Variants in HHLA2 observed in about 807,000 individuals in gnomAD.
HHLA2 encodes the protein HERV-H LTR-associating protein 2.
In HHLA2, 48 loss-of-function variants were observed where a neutral mutation model predicts 45.9. The observed-to-expected ratio is 1.05, with a 90% CI of 0.83 to 1.33. The LOEUF is 1.33. Among genes scored for constraint, HHLA2 ranks in the 40% most tolerant of loss-of-function variants. The probability of loss-of-function intolerance (pLI) is 0.00; values close to 1 mark genes in which losing one functional copy is unlikely to be tolerated. For missense variants in HHLA2, 462 were observed against 494.3 expected (o/e 0.93, Z 0.62); for synonymous variants, 161 against 173.9 (o/e 0.93, Z 0.59).
intron 8 of HHLA2, among the ~76,000 whole-genome samples, chr3:108,368,709 C>T (rs528486065): frequency 3.3e-5 from 5 of 152,152 alleles, no homozygotes; most frequent in Non-Finnish European, 7.4e-5. Flanking sequence ...GCACCCAATA[C>T]AGGAGCATCC....
intron 6 of HHLA2, among the ~76,000 whole-genome samples, chr3:108,356,386 G>T (rs1261907408): frequency 2.6e-5 from 4 of 151,990 alleles, no homozygotes; most frequent in African/African-American, 9.7e-5. Flanking sequence ...CCCTTATAGG[G>T]GGAAAATGGA....
chr3:108,352,145 A>ATT (rs10718672), intron 4 of HHLA2, among the ~76,000 whole-genome samples: 2,751 of 150,514 alleles, frequency 0.018, 86 homozygotes, highest in African/African-American at 0.063. Flanking sequence ...TGATTGATTG[A>ATT]TTTTTTTTTT....
At chr3:108,321,482 G>A (rs2081201366) in intron 2 of HHLA2, among the ~76,000 whole-genome samples, 1 of 152,096 alleles carries the variant, frequency 6.6e-6, no homozygotes, top group African/African-American at 2.4e-5. Flanking sequence ...TCTGGATGTG[G>A]TTGCGTTTTC....
intron 3 of HHLA2, among the ~76,000 whole-genome samples, chr3:108,340,517 G>C (rs1367354913): frequency 6.6e-6 from 1 of 152,200 alleles, no homozygotes; most frequent in Non-Finnish European, 1.5e-5. Context: ...AACAAAGGTT[G>C]ACCTACCTGG....
rs138542042 is a variant in HHLA2, at chr3:108,327,635, G to A, written c.-104-635G>A. On this transcript the variant is annotated intron_variant, in intron 2 of 10. Coordinates refer to ENST00000619531, the Ensembl canonical transcript of HHLA2. ...TTATTTCCCAGTTCTTGTAGTTTCT[G>A]TTTGGTTCTTTATCATGGTTTTCAG... 8.4e-3 allele frequency among the ~76,000 whole-genome samples: 1,278 copies of A among 152,196 alleles called. 15 individuals are homozygous for A. Among genetic ancestry groups the A allele is most frequent in the African/African-American group, 0.029 (1,201 of 41,534 alleles).
intron 2 of HHLA2, among the ~76,000 whole-genome samples, chr3:108,319,219 T>A (rs2081155775): frequency 6.6e-6 from 1 of 152,094 alleles, no homozygotes; most frequent in Non-Finnish European, 1.5e-5. Flanking sequence ...ATACTTTTTT[T>A]TTTTTCTCAC....
At chr3:108,311,226 C>G (rs1376462510) in intron 2 of HHLA2, among the ~76,000 whole-genome samples, 4 of 152,160 alleles carry the variant, frequency 2.6e-5, no homozygotes, top group Non-Finnish European at 4.4e-5. Context: ...TTGGGATGGC[C>G]TTGGTCTAAA....
chr3:108,354,826 A>T (rs2081854356), intron 5 of HHLA2, among the ~76,000 whole-genome samples: 1 of 152,180 alleles, frequency 6.6e-6, no homozygotes, highest in African/African-American at 2.4e-5. Flanking sequence ...TTGGTTTTTC[A>T]ATGAGGCCAT....
chr3:108,316,106 AAAAGATG>A (rs1325298607), intron 2 of HHLA2, among the ~76,000 whole-genome samples: 3 of 152,170 alleles, frequency 2.0e-5, no homozygotes, highest in East Asian at 1.9e-4. Flanking sequence ...AAATGAAAAA[AAAAGATG>A]AAAGAGGAAA....
chr3:108,304,173 A>C (rs986990035), intron 1 of HHLA2, among the ~76,000 whole-genome samples: 10 of 152,120 alleles, frequency 6.6e-5, no homozygotes, highest in African/African-American at 2.2e-4. Flanking sequence ...TTATGTTCCC[A>C]TTTGTTTCCT....
At chr3:108,354,863 A>G (rs1417472788) in intron 5 of HHLA2, among the ~76,000 whole-genome samples, 3 of 152,080 alleles carry the variant, frequency 2.0e-5, no homozygotes, top group African/African-American at 4.8e-5. Flanking sequence ...CTATGTTTCT[A>G]GAAAATTGAG....
chr3:108,377,542 A>C (rs2082295428), exon 11 of HHLA2: 2 of 432,332 alleles, frequency 4.6e-6, no homozygotes, highest in East Asian at 3.5e-5. Context: ...GAACTGTCTC[A>C]TTCATTTACA....
intron 1 of HHLA2, among the ~76,000 whole-genome samples, chr3:108,299,555 A>G (rs1294026675): frequency 6.6e-6 from 1 of 151,950 alleles, no homozygotes; most frequent in Non-Finnish European, 1.5e-5. Context: ...GTGGAACAGA[A>G]AGTTCTGGGT....
At chr3:108,319,154 C>G (rs2081154361) in intron 2 of HHLA2, among the ~76,000 whole-genome samples, 1 of 151,960 alleles carries the variant, frequency 6.6e-6, no homozygotes, top group Admixed American at 6.6e-5. Flanking sequence ...AATATGAGGG[C>G]CTGGGTGGGA....
intron 8 of HHLA2, among the ~76,000 whole-genome samples, chr3:108,370,208 G>A (rs1198669526): frequency 6.6e-6 from 1 of 152,066 alleles, no homozygotes; most frequent in Non-Finnish European, 1.5e-5. Context: ...CAGTGTCTGG[G>A]TGGACCTGTT....
rs113773757 is a variant in HHLA2, at chr3:108,336,996, T to G, written c.-27+8649T>G. ...TTTACACACAGTGTGCTGGTGGTGG[T>G]AAATTATGCCTTTTGGACCAGAGGT... On this transcript the variant is annotated intron_variant, in intron 3 of 10. Coordinates refer to ENST00000619531, the Ensembl canonical transcript of HHLA2. Among the ~76,000 whole-genome samples, 10 of 152,278 alleles carry G rather than the reference T, an allele frequency of 6.6e-5. 1 individual carries two copies. Among genetic ancestry groups the G allele is most frequent in the African/African-American group, 2.2e-4 (9 of 41,582 alleles).
At chr3:108,338,200 GAT>G (rs369459458) in intron 3 of HHLA2, among the ~76,000 whole-genome samples, 6 of 150,024 alleles carry the variant, frequency 4.0e-5, no homozygotes, top group South Asian at 2.1e-4. Context: ...ATATATCAAA[GAT>G]ATATATATAT....
At chr3:108,344,958 G>A (rs1015994101) in intron 3 of HHLA2, among the ~76,000 whole-genome samples, 1 of 152,194 alleles carries the variant, frequency 6.6e-6, no homozygotes, top group Non-Finnish European at 1.5e-5. Flanking sequence ...ATGGTCCCTG[G>A]AAGCAGGAGT....
intron 4 of HHLA2, among the ~76,000 whole-genome samples, chr3:108,352,743 GTA>G (rs2081803220): frequency 6.6e-6 from 1 of 152,206 alleles, no homozygotes; most frequent in Admixed American, 6.5e-5. Context: ...AACAAAATAA[GTA>G]AATCAAGAGA....
Sources: allele counts gnomAD v4.1 joint callset (sites outside exome capture counted in the v4.1 genomes callset), GRCh38; gene constraint gnomAD v4.1.1; transcripts MANE v1.5; gene names NCBI Gene and HGNC (gene_info 2026-07-23, HGNC 2026-07-21).